The following ANXA3 variants were observed in gnomAD, a reference collection of about 807,000 sequenced individuals.
The protein encoded by ANXA3 is 35-alpha calcimedin.
A neutral mutation model predicts 48.8 loss-of-function variants in ANXA3; 46 were observed. The ratio of observed to expected loss-of-function variants is 0.94; its 90% CI spans 0.74 to 1.21. ANXA3 has a LOEUF of 1.21. Ranked by LOEUF, ANXA3 falls within the 50% of genes most tolerant of loss-of-function variation. The pLI is 0.00. For synonymous variants in ANXA3, 128 were observed against 134.7 expected (o/e 0.95, Z 0.35); for missense variants, 383 against 378.6 (o/e 1.01, Z -0.10).
Position 78,591,586 on chromosome 4 carries a change from C to T in ANXA3, c.446C>T (p.Ser149Phe). The T allele has an allele frequency of 6.2e-7, 1 of 1,613,732 alleles. No homozygotes were observed. The change falls in exon 7 of 13, where the codon TCT becomes TTT. Residue 149 changes from serine to phenylalanine, a missense_variant. Physicochemically the swap from Ser to Phe is radical, Grantham distance 155 (BLOSUM62 -2). Transcript: ENST00000264908. ...GGAGATGACATTAGTTCCGAAACAT[C>T]TGGTGACTTCCGGAAAGCTCTGTTG... ...SLGDDISSET[S>F]GDFRKALLTL... is the part of the protein sequence containing the mutation.
intron 3 of ANXA3, 82 bp from the exon 4 acceptor site, chr4:78,578,945 C>G: frequency 1.4e-6 from 1 of 712,864 alleles, no homozygotes; most frequent in Non-Finnish European, 2.4e-6. Flanking sequence ...CTGCATTTGT[C>G]TCAGGCCATT....
intron 2 of ANXA3, among the ~76,000 whole-genome samples, chr4:78,566,604 C>CT (rs1722736498): frequency 1.6e-5 from 2 of 128,926 alleles, no homozygotes; most frequent in South Asian, 2.6e-4. Context: ...TAAGTGGGAG[C>CT]TAAACAATGG....
At chr4:78,565,098 A>C (rs1722704611) in intron 2 of ANXA3, among the ~76,000 whole-genome samples, 1 of 149,614 alleles carries the variant, frequency 6.7e-6, no homozygotes, top group Admixed American at 6.7e-5. Context: ...GGTTCAAGTG[A>C]TTCTCCTGCC....
chr4:78,597,411 A>G lies in ANXA3; in HGVS notation c.727A>G (p.Ile243Val). 6.3e-7 allele frequency: 1 copy of G among 1,598,036 alleles called. No individual in the cohort carries two copies. Among genetic ancestry groups the G allele is most frequent in the Non-Finnish European group, 8.6e-7 (1 of 1,167,794 alleles). The change falls in exon 10 of 13, where the codon ATA (isoleucine) becomes GTA (valine). Residue 243 changes from isoleucine (I) to valine (V), a missense_variant. By Grantham distance (29) the Ile-to-Val change is conservative. Transcript: ENST00000264908. ...GCATTTTGAAGACTTACTGTTGGCCATAGGTAAGACTTCGAGTGCTGGTAA... is the reference window on the plus strand; with the variant it reads ...GCATTTTGAAGACTTACTGTTGGCCGTAGGTAAGACTTCGAGTGCTGGTAA... ...SGHFEDLLLAIVNCVRNTPAF... is the reference protein window; with the variant it reads ...SGHFEDLLLAVVNCVRNTPAF...
chr4:78,604,441 C>G lies in ANXA3; in HGVS notation c.912+42C>G, dbSNP rs552181360. The G allele has an allele frequency of 2.1e-5, 30 of 1,445,958 alleles. No individual in the cohort carries two copies. In the South Asian group the frequency reaches 3.3e-4, roughly 16 times the overall value. The allele number at this position is 1,445,958 out of a possible 1,614,324, so 89.6% of individuals were successfully genotyped here. On this transcript the variant is annotated intron_variant, in intron 12 of 12. Transcript: ENST00000264908. ...AAATAGCAAAACATATTTTGCCCTT[C>G]TCTACCCATCTCCTTACTCTTATAT...
In ANXA3 at chr4:78,591,599, GA is replaced by G; in HGVS notation, c.462del (p.Ala155LeufsTer3). On this transcript the variant is annotated frameshift_variant, in exon 7 of 13. Transcript: ENST00000264908. LOFTEE classifies it high-confidence loss of function. ...GTTCCGAAACATCTGGTGACTTCCG[GA>G]AAGCTCTGTTGACTTTGGCAGATGT... Reference protein sequence around the residue: ...ISSETSGDFRKALLTLADGRR... With the variant: ...ISSETSGDFRXALLTLADGRR... The G allele has an allele frequency of 1.2e-6, 2 of 1,613,568 alleles. No individual in the cohort carries two copies. The highest frequency in any genetic ancestry group is 1.7e-6 in the Non-Finnish European group (2 of 1,179,642).
At chr4:78,568,491 T>C (rs935326654) in intron 2 of ANXA3, among the ~76,000 whole-genome samples, 2 of 152,198 alleles carry the variant, frequency 1.3e-5, no homozygotes, top group African/African-American at 4.8e-5. Context: ...TATAGGGCTT[T>C]CTGAAGTGAT....
At chr4:78,603,644 T>C (rs562717543) in intron 11 of ANXA3, 1 of 152,352 alleles carries the variant, frequency 6.6e-6, no homozygotes, top group South Asian at 2.1e-4. Context: ...TTTGATCTGA[T>C]CTCAACATTC....
chr4:78,580,455 G>A (rs533731666), intron 4 of ANXA3, among the ~76,000 whole-genome samples: 1 of 152,314 alleles, frequency 6.6e-6, no homozygotes, highest in East Asian at 1.9e-4. Context: ...GCTAAGCCTT[G>A]GGTCTTGGTA....
chr4:78,571,750 C>T (rs1722844852), intron 2 of ANXA3, among the ~76,000 whole-genome samples: 1 of 152,180 alleles, frequency 6.6e-6, no homozygotes, highest in South Asian at 2.1e-4. Flanking sequence ...ATCTTTGTGG[C>T]TGTCCTTCTT....
Position 78,597,329 on chromosome 4 carries a change from A to G in ANXA3, c.645A>G (p.Glu215=), listed in dbSNP as rs746181482. ...SFPQLKLTFD[E]YRNISQKDIV... ...GGTGCTTCTTTTTAGCATTTGATGA[A>G]TACAGAAATATCAGCCAAAAGGACA... Residue 215 remains glutamate (E), a synonymous_variant, in exon 10 of 13, where the codon GAA becomes GAG. Coordinates refer to ENST00000264908, the MANE Select transcript of ANXA3 (RefSeq NM_005139.3). 3.7e-6 allele frequency: 6 copies of G among 1,605,470 alleles called. No individual in the cohort carries two copies. The East Asian group carries it at 1.3e-4, about 36-fold the overall frequency.
chr4:78,565,573 G>A lies in ANXA3; in HGVS notation c.16-7607G>A, dbSNP rs540140421. On this transcript the variant is annotated intron_variant, in intron 2 of 12. Coordinates refer to ENST00000264908, the MANE Select transcript of ANXA3 (RefSeq NM_005139.3). ...TGATGATTGCTCCTTTTACAGGGATGGGGAAGGTTGAGGAAACTGAGCAAA... is the reference window on the plus strand; with the variant it reads ...TGATGATTGCTCCTTTTACAGGGATAGGGAAGGTTGAGGAAACTGAGCAAA... Among the ~76,000 whole-genome samples, 16 of 152,344 alleles carry A rather than the reference G, an allele frequency of 1.1e-4. 1 individual carries two copies. Among genetic ancestry groups the A allele is most frequent in the Middle Eastern group, 3.4e-3 (1 of 294 alleles).
At chr4:78,596,183 C>T (rs189819773) in intron 9 of ANXA3, among the ~76,000 whole-genome samples, 1 of 152,276 alleles carries the variant, frequency 6.6e-6, no homozygotes, top group East Asian at 1.9e-4. Flanking sequence ...AGTAGAAGGG[C>T]TTGTTCCTGT....
At chr4:78,574,814 A>G (rs1325272237) in intron 3 of ANXA3, among the ~76,000 whole-genome samples, 1 of 152,254 alleles carries the variant, frequency 6.6e-6, no homozygotes, top group Non-Finnish European at 1.5e-5. Context: ...AAATGCTGCA[A>G]TGAATATTCC....
chr4:78,579,660 A>G (rs1723033593), intron 4 of ANXA3, among the ~76,000 whole-genome samples: 1 of 152,242 alleles, frequency 6.6e-6, no homozygotes, highest in African/African-American at 2.4e-5. Flanking sequence ...AGTAATTACC[A>G]GAAACTATAT....
At chr4:78,601,605 C>A (rs1473603613) in intron 11 of ANXA3, 37 bp downstream of exon 11, 1 of 1,564,858 alleles carries the variant, frequency 6.4e-7, no homozygotes, top group Non-Finnish European at 8.8e-7. Flanking sequence ...CTTAGCGTCC[C>A]TTAATTCCCT....
chr4:78,604,335 AC>A lies in ANXA3; in HGVS notation c.850del (p.Leu284PhefsTer33). 1.2e-6 allele frequency: 2 copies of A among 1,613,408 alleles called. No homozygotes were observed. Among genetic ancestry groups the A allele is most frequent in the Non-Finnish European group, 1.7e-6 (2 of 1,179,526 alleles). On this transcript the variant is annotated frameshift_variant, in exon 12 of 13. Coordinates refer to ENST00000264908, the MANE Select transcript of ANXA3 (RefSeq NM_005139.3). LOFTEE classifies it high-confidence loss of function. ...ATAATGGTGTCCAGATCAGAAATTG[AC>A]CTTTTGGACATTCGAACAGAGTTCA... The part of the protein sequence containing the change: ...NRIMVSRSEI[D>X]LLDIRTEFKK...
At chr4:78,583,915 A>C (rs1285424176) in intron 5 of ANXA3, among the ~76,000 whole-genome samples, 2 of 152,198 alleles carry the variant, frequency 1.3e-5, no homozygotes, top group Non-Finnish European at 2.9e-5. Flanking sequence ...CAACACCTAG[A>C]TTAGTGTTTG....
chr4:78,579,349 T>C (rs1043188266), intron 4 of ANXA3, among the ~76,000 whole-genome samples: 1 of 152,200 alleles, frequency 6.6e-6, no homozygotes, highest in African/African-American at 2.4e-5. Flanking sequence ...ACCTGTAGGA[T>C]AAGGTTTGCC....
Sources: allele counts gnomAD v4.1 joint callset (sites outside exome capture counted in the v4.1 genomes callset), GRCh38; gene constraint gnomAD v4.1.1; transcripts MANE v1.5; gene names NCBI Gene and HGNC (gene_info 2026-07-23, HGNC 2026-07-21).